The following RLIM variants were observed in gnomAD, a reference collection of about 807,000 sequenced individuals.
The protein encoded by RLIM is E3 ubiquitin-protein ligase RLIM.
Under a neutral mutation model 34.0 loss-of-function variants are expected in RLIM, and 2 were observed. That is an observed-to-expected ratio of 0.06 (90% CI 0.02 to 0.19). The LOEUF is 0.19. RLIM is among the 10% of genes least tolerant of loss of function. The pLI is 1.00. For missense variants in RLIM, 286 were observed against 479.7 expected (o/e 0.60, Z 3.77); for synonymous variants, 169 against 164.0 (o/e 1.03, Z -0.23).
chrX:74,598,780 A>C (rs971976007), intron 1 of RLIM, among the ~76,000 whole-genome samples: 1 of 47,588 alleles, frequency 2.1e-5, no homozygotes, highest in African/African-American at 5.8e-4. Context: ...CTCTGTTTCA[A>C]AAAAAAAAAA....
intron 1 of RLIM, among the ~76,000 whole-genome samples, 199 bp from the exon 2 acceptor site, chrX:74,596,199 G>C (rs889650023): frequency 8.9e-6 from 1 of 112,357 alleles, no homozygotes. Context: ...CCTTGAACCA[G>C]ACAGGGTTGG....
chrX:74,593,305 G>A (rs1428425830), intron 3 of RLIM, among the ~76,000 whole-genome samples: 1 of 112,408 alleles, frequency 8.9e-6, no homozygotes, highest in Non-Finnish European at 1.9e-5. Flanking sequence ...GAATCTGGAG[G>A]AAGTCTATTT....
chrX:74,592,251 G>C lies in RLIM; in HGVS notation c.1064C>G (p.Thr355Ser). 8.3e-7 allele frequency: 1 copy of C among 1,209,880 alleles called. No homozygotes were observed. The highest frequency in any genetic ancestry group is 3.0e-5 in the East Asian group (1 of 33,754). The stretch of plus-strand genomic sequence containing the variant: ...AAAACCTCCTCGTTCACTTTCATAG[G>C]TGACAGTGTTGTTTGGTGTCTGAGA... ...SRSQTPNNTV[T>S]YESERGGFRR... The change falls in exon 4 of 4, where the codon ACC (threonine) becomes AGC (serine). Residue 355 changes from threonine (T) to serine (S), a missense_variant. By Grantham distance (58) the Thr-to-Ser change is moderately conservative. Coordinates refer to ENST00000332687, the MANE Select transcript of RLIM (RefSeq NM_016120.4).
At chrX:74,607,171 C>T (rs2079685938) in intron 1 of RLIM, among the ~76,000 whole-genome samples, 2 of 32,977 alleles carry the variant, frequency 6.1e-5, no homozygotes, top group South Asian at 2.0e-3. Context: ...GAAATTACCT[C>T]GTTTTTTAAA....
chrX:74,600,150 C>G (rs1379238024), intron 1 of RLIM, among the ~76,000 whole-genome samples: 1 of 110,469 alleles, frequency 9.1e-6, no homozygotes, highest in Admixed American at 9.8e-5. Flanking sequence ...GTTTCTTAAT[C>G]TCATAACTGA....
chrX:74,594,363 T>C lies in RLIM; in HGVS notation c.196A>G (p.Arg66Gly), dbSNP rs369182495. ...PGESTEEELL[R>G]RLQQIKEGPP... ...CCTTCTTTAATTTGCTGTAGTCGTC[T>C]CAGCAACTCTTCCTCAGTACTTTCA... The change falls in exon 3 of 4, where the codon AGA (arginine) becomes GGA (glycine). Residue 66 changes from arginine to glycine, a missense_variant. Transcript: ENST00000332687. 6 of 1,203,859 alleles carry C rather than the reference T, an allele frequency of 5.0e-6. No individual in the cohort carries two copies. Among genetic ancestry groups the C allele is most frequent in the Non-Finnish European group, 6.7e-6 (6 of 892,052 alleles).
At chrX:74,602,463 G>A (rs1184195118) in intron 1 of RLIM, among the ~76,000 whole-genome samples, 2 of 111,647 alleles carry the variant, frequency 1.8e-5, no homozygotes, top group African/African-American at 6.5e-5. Flanking sequence ...CGGACACGGT[G>A]GCTCACACCT....
chrX:74,586,513 G>C lies in RLIM; in HGVS notation c.*4927C>G, dbSNP rs1249435060. ...TTGGAGGGTATGCCTATTTCCTTCAGATCTGATCAAGACATGAGAATTATA... is the reference window on the plus strand; with the variant it reads ...TTGGAGGGTATGCCTATTTCCTTCACATCTGATCAAGACATGAGAATTATA... On this transcript the variant is annotated 3_prime_UTR_variant, in exon 4 of 4. Coordinates refer to ENST00000332687, the MANE Select transcript of RLIM (RefSeq NM_016120.4). 1 of 112,074 alleles carries C rather than the reference G, an allele frequency of 8.9e-6. No individual in the cohort carries two copies. The highest frequency in any genetic ancestry group is 3.2e-5 in the African/African-American group (1 of 30,852). 9.2% of individuals were successfully genotyped at this position (112,074 alleles called of 1,213,427 possible).
At chrX:74,594,281 C>G in intron 3 of RLIM, 25 bp downstream of exon 3, 1 of 1,129,261 alleles carries the variant, frequency 8.9e-7, no homozygotes, top group Non-Finnish European at 1.2e-6. Context: ...CGTCTATCCA[C>G]CTCCCCACCA....
chrX:74,600,573 C>T (rs2079657069), intron 1 of RLIM, among the ~76,000 whole-genome samples: 1 of 111,393 alleles, frequency 9.0e-6, no homozygotes, highest in South Asian at 3.7e-4. Flanking sequence ...AAAACAACTG[C>T]AGGGTTAAAA....
At position 74,583,029 on chromosome X, in the gene RLIM, A is replaced by G. The variant is rs1931247240; in HGVS notation, c.*8411T>C. The G allele has an allele frequency of 1.3e-6, 1 of 749,368 alleles. No individual in the cohort carries two copies. Among genetic ancestry groups the G allele is most frequent in the Non-Finnish European group, 2.1e-6 (1 of 484,045 alleles). 61.8% of individuals were successfully genotyped at this position (749,368 alleles called of 1,213,427 possible). A position where few individuals can be genotyped will look rare whatever the true frequency, so the allele number is the denominator to read the frequency against. ...TTTTTTTCCATATTTAAGTTTTTCGATGTTTAGATATTTTTCTTTGGTGAA... is the reference window on the plus strand; with the variant it reads ...TTTTTTTCCATATTTAAGTTTTTCGGTGTTTAGATATTTTTCTTTGGTGAA... On this transcript the variant is annotated 3_prime_UTR_variant, in exon 4 of 4. Coordinates refer to ENST00000332687, the MANE Select transcript of RLIM (RefSeq NM_016120.4).
At chrX:74,608,210 C>A (rs939823404) in intron 1 of RLIM, among the ~76,000 whole-genome samples, 5 of 111,416 alleles carry the variant, frequency 4.5e-5, no homozygotes, top group Admixed American at 1.9e-4. Context: ...TTGGATTAAA[C>A]CATCTGCAAG....
chrX:74,610,400 G>C (rs1362803346), intron 1 of RLIM, among the ~76,000 whole-genome samples: 1 of 108,041 alleles, frequency 9.3e-6, no homozygotes, highest in Non-Finnish European at 1.9e-5. Context: ...CTGGGCGACA[G>C]AGCAAAACTC....
chrX:74,596,894 G>C (rs995661633), intron 1 of RLIM, among the ~76,000 whole-genome samples: 3 of 111,468 alleles, frequency 2.7e-5, no homozygotes, highest in Non-Finnish European at 5.6e-5. Context: ...GAGAAAAGTG[G>C]ACTCTGAATG....
Position 74,592,187 on chromosome X carries a change from T to C in RLIM, c.1128A>G (p.Arg376=). ...GAATTCTGATGGTACTGACATAGGT[T>C]CTCACACCTGCCCGCTCAGAACGTG... ...TFSRSERAGV[R]TYVSTIRIPI... Residue 376 remains arginine (R), a synonymous_variant, in exon 4 of 4, where the codon AGA becomes AGG. Coordinates refer to ENST00000332687, the MANE Select transcript of RLIM (RefSeq NM_016120.4). 1 of 1,211,739 alleles carries C rather than the reference T, an allele frequency of 8.3e-7. No individual in the cohort carries two copies. Among genetic ancestry groups the C allele is most frequent in the Non-Finnish European group, 1.1e-6 (1 of 895,421 alleles).
At chrX:74,595,017 G>A (rs1436748163) in intron 2 of RLIM, among the ~76,000 whole-genome samples, 1 of 111,006 alleles carries the variant, frequency 9.0e-6, no homozygotes, top group Non-Finnish European at 1.9e-5. Flanking sequence ...AGTCCAGCCT[G>A]GGCAACATGA....
intron 3 of RLIM, among the ~76,000 whole-genome samples, chrX:74,593,932 G>A (rs2079628050): frequency 8.9e-6 from 1 of 112,508 alleles, no homozygotes; most frequent in African/African-American, 3.2e-5. Flanking sequence ...CCCACATGGG[G>A]CAAAATTATA....
At chrX:74,602,799 G>C (rs1046215385) in intron 1 of RLIM, among the ~76,000 whole-genome samples, 2 of 110,654 alleles carry the variant, frequency 1.8e-5, no homozygotes, top group African/African-American at 6.6e-5. Context: ...TAAAAGAAAT[G>C]GATGAATTAC....
At chrX:74,613,126 G>A (rs1048793130) in intron 1 of RLIM, among the ~76,000 whole-genome samples, 3 of 110,765 alleles carry the variant, frequency 2.7e-5, no homozygotes, top group East Asian at 2.8e-4. Context: ...CATGGGGGGG[G>A]AGGGGTTATA....
Sources: gnomAD v4.1 joint callset for allele counts (sites outside exome capture counted in the v4.1 genomes callset) on GRCh38, gnomAD v4.1.1 for gene constraint, MANE v1.5 for transcripts, NCBI Gene and HGNC (gene_info 2026-07-23, HGNC 2026-07-21) for gene names.